The following SLC4A9 variants were observed in gnomAD, a reference collection of about 807,000 sequenced individuals.
SLC4A9 encodes solute carrier family 4 member 9, also known as anion exchange protein 4.
SLC4A9 carries 102 observed loss-of-function variants against 103.2 expected under a neutral mutation model. That is an observed-to-expected ratio of 0.99 (90% CI 0.84 to 1.17). The LOEUF is 1.17. SLC4A9 is among the 50% of genes most tolerant of loss of function. The probability of loss-of-function intolerance (pLI) is 0.00; values close to 1 mark genes in which losing one functional copy is unlikely to be tolerated. For missense variants in SLC4A9, 1,091 were observed against 1,193.7 expected (o/e 0.91, Z 1.27); for synonymous variants, 453 against 483.6 (o/e 0.94, Z 0.83).
Position 140,371,047 on chromosome 5 carries a change from G to A in SLC4A9, c.2428-48G>A, listed in dbSNP as rs761132836. On this transcript the variant is annotated intron_variant, in intron 17 of 21. Coordinates refer to ENST00000506757, the MANE Select transcript of SLC4A9 (RefSeq NM_031467.3). ...CATCTGGGCATCCTGGGGCATCTGG[G>A]AGGTTGGCAGAGGTAAACTTTGATA... 2.6e-5 allele frequency: 41 copies of A among 1,556,762 alleles called. No homozygotes were observed. In the East Asian group the frequency reaches 7.8e-4, roughly 30 times the overall value.
chr5:140,373,770 C>T (rs537627142), intron 21 of SLC4A9, among the ~76,000 whole-genome samples: 2 of 152,194 alleles, frequency 1.3e-5, no homozygotes, highest in East Asian at 3.9e-4. Context: ...GCCTGGGCAA[C>T]ATAGTGAGAT....
Position 140,363,380 on chromosome 5 carries a change from G to T in SLC4A9, c.963-59G>T. The stretch of plus-strand genomic sequence containing the variant: ...AGGGGGCAGGGCGCCACGAGCTCTG[G>T]ACCGAGTCGCAGACTGGTTGGAGAT... On this transcript the variant is annotated intron_variant, in intron 7 of 21. Coordinates refer to ENST00000506757, the MANE Select transcript of SLC4A9 (RefSeq NM_031467.3). This position sits in a 1 kb window ranked among gnomAD's most constrained non-coding sequence, Gnocchi z 4.5. 3 of 1,473,554 alleles carry T rather than the reference G, an allele frequency of 2.0e-6. No individual in the cohort carries two copies. Among genetic ancestry groups the T allele is most frequent in the Non-Finnish European group, 2.8e-6 (3 of 1,079,572 alleles). The allele number at this position is 1,473,554 out of a possible 1,614,324, so 91.3% of individuals were successfully genotyped here.
Position 140,361,804 on chromosome 5 carries a change from G to T in SLC4A9, c.506-4G>T, listed in dbSNP as rs755759006. 4.3e-6 allele frequency: 7 copies of T among 1,613,962 alleles called. 1 individual carries two copies. The Admixed American group carries it at 1.2e-4, about 27-fold the overall frequency. On this transcript the variant is annotated splice_region_variant and splice_polypyrimidine_tract_variant and intron_variant, in intron 3 of 21. Transcript: ENST00000506757. Reference sequence around the variant, plus strand: ...CTTAATCACTGCATAATCCTGTTTTGTAGGCTCTACTCATCCAAGAAAGGC... The same window carrying T: ...CTTAATCACTGCATAATCCTGTTTTTTAGGCTCTACTCATCCAAGAAAGGC...
At position 140,368,647 on chromosome 5, in the gene SLC4A9, A is replaced by G. The variant is rs1388090230; in HGVS notation, c.2415A>G (p.Ala805=). 6.2e-7 allele frequency: 1 copy of G among 1,613,400 alleles called. No individual in the cohort carries two copies. The highest frequency in any genetic ancestry group is 1.1e-5 in the South Asian group (1 of 90,982). Residue 805 remains alanine (A), a synonymous_variant, in exon 17 of 22, where the codon GCA becomes GCG. Coordinates refer to ENST00000506757, the MANE Select transcript of SLC4A9 (RefSeq NM_031467.3). ...FILTGASIFL[A]PVLKFIPMPV... ...TTACAGGAGCCTCCATCTTCCTGGC[A>G]CCTGTGCTCAAGGTACCTTTGTTAT... is the stretch of plus-strand genomic sequence containing the variant.
chr5:140,362,899 C>T lies in SLC4A9; in HGVS notation c.808-13C>T, dbSNP rs769090891. On this transcript the variant is annotated splice_polypyrimidine_tract_variant and intron_variant, in intron 6 of 21. Coordinates refer to ENST00000506757, the MANE Select transcript of SLC4A9 (RefSeq NM_031467.3). ...GTTTGCACTTACCACCCATTCTGTG[C>T]CCCCATTCCCAGCAATTCCAGTGGT... is the stretch of plus-strand genomic sequence containing the variant. 22 of 1,613,940 alleles carry T rather than the reference C, an allele frequency of 1.4e-5. No individual in the cohort carries two copies. In the South Asian group the frequency reaches 2.4e-4, roughly 18 times the overall value.
rs777533701 is a variant in SLC4A9 at position 140,363,925 on chromosome 5, G to C, written c.1254+23G>C. 1.2e-5 allele frequency: 20 copies of C among 1,610,392 alleles called. No homozygotes were observed. Among genetic ancestry groups the C allele is most frequent in the Non-Finnish European group, 1.4e-5 (17 of 1,178,284 alleles). On this transcript the variant is annotated intron_variant, in intron 9 of 21. Coordinates refer to ENST00000506757, the MANE Select transcript of SLC4A9 (RefSeq NM_031467.3). The surrounding 1 kb of genome is among the most constrained non-coding windows in gnomAD (Gnocchi z 4.5). ...CAGGTGGGTAGGGCCCAGGGGGCAG[G>C]CACAAGCGTTGGTGTCCCCTAGTCC... is the stretch of plus-strand genomic sequence containing the variant.
intron 6 of SLC4A9, 109 bp downstream of exon 6, chr5:140,362,641 G>GT: frequency 8.6e-7 from 1 of 1,159,346 alleles, no homozygotes; most frequent in East Asian, 2.4e-5. Context: ...TGTGGACTCT[G>GT]TATGTGTCCC....
intron 12 of SLC4A9, 28 bp downstream of exon 12, chr5:140,365,606 G>A (rs1364896654): frequency 2.5e-6 from 4 of 1,605,730 alleles, no homozygotes; most frequent in African/African-American, 1.3e-5. Context: ...GGAGGTTCTA[G>A]GAAGGAAAGG....
chr5:140,366,310 G>T (rs745897615), intron 14 of SLC4A9, 46 bp downstream of exon 14: 2 of 1,359,740 alleles, frequency 1.5e-6, no homozygotes, highest in Non-Finnish European at 2.0e-6. Context: ...GGAAAGCAGG[G>T]CCAGCAGACC....
rs749258313 is a variant in SLC4A9 at position 140,360,266 on chromosome 5, G to A, written c.30G>A (p.Gly10=). ...AAATGAAGCTGCCAGGCCAGGAAGG[G>A]TTTGAAGCCTCCAGTGCTCCTAGAA... MEMKLPGQE[G]FEASSAPRNI... Residue 10 remains glycine (G), a synonymous_variant, in exon 1 of 22, where the codon GGG becomes GGA. Transcript: ENST00000506757. 4 of 1,612,092 alleles carry A rather than the reference G, an allele frequency of 2.5e-6. No individual in the cohort carries two copies. Among genetic ancestry groups the A allele is most frequent in the Non-Finnish European group, 3.4e-6 (4 of 1,179,096 alleles).
chr5:140,371,616 C>A lies in SLC4A9; in HGVS notation c.2662C>A (p.Pro888Thr). The A allele has an allele frequency of 6.2e-7, 1 of 1,614,014 alleles. No homozygotes were observed. The highest frequency in any genetic ancestry group is 1.3e-5 in the African/African-American group (1 of 75,052). The change falls in exon 19 of 22, where the codon CCC (proline) becomes ACC (threonine). Residue 888 changes from proline to threonine, a missense_variant. By Grantham distance (38) the Pro-to-Thr change is conservative. Transcript: ENST00000506757. ...IKSTPAAIIF[P>T]LMLLGLVGVR... is the part of the protein sequence containing the mutation. ...GTCTACCCCTGCAGCCATCATCTTC[C>A]CCCTCATGGTAAGCTGAGGCAGGGT...
chr5:140,362,252 C>CA, intron 5 of SLC4A9, 78 bp downstream of exon 5: 1 of 1,411,730 alleles, frequency 7.1e-7, no homozygotes, highest in Non-Finnish European at 9.5e-7. Context: ...AGGAGGGTCT[C>CA]AGTCTGATTC....
intron 3 of SLC4A9, 83 bp from the exon 4 acceptor site, chr5:140,361,725 C>A: frequency 6.8e-7 from 1 of 1,468,258 alleles, no homozygotes; most frequent in Non-Finnish European, 9.5e-7. Flanking sequence ...TACAGCTTGT[C>A]AGTGGCAAAA....
rs771547109 is a variant in SLC4A9, at chr5:140,367,408, G to A, written c.2014-12G>A. 1.9e-6 allele frequency: 3 copies of A among 1,610,552 alleles called. No homozygotes were observed. The highest frequency in any genetic ancestry group is 3.4e-5 in the Admixed American group (2 of 59,656). On this transcript the variant is annotated splice_polypyrimidine_tract_variant and intron_variant, in intron 14 of 21. Coordinates refer to ENST00000506757, the MANE Select transcript of SLC4A9 (RefSeq NM_031467.3). ...ACCCACTCCAACCTGTCCATGAAAT[G>A]CCCTCCTCCAGCCCACACTCCCTGG... is the stretch of plus-strand genomic sequence containing the variant.
In SLC4A9 at chr5:140,371,641, T is replaced by C. The variant is rs377734062; in HGVS notation, c.2670+17T>C. On this transcript the variant is annotated intron_variant, in intron 19 of 21. Transcript: ENST00000506757. ...CCCCTCATGGTAAGCTGAGGCAGGG[T>C]TGGGCTGTGTCCTGGAGGGTCTTGG... 1.2e-6 allele frequency: 2 copies of C among 1,613,786 alleles called. No homozygotes were observed. Among genetic ancestry groups the C allele is most frequent in the Non-Finnish European group, 1.7e-6 (2 of 1,179,770 alleles).
At chr5:140,369,753 G>T (rs1310499842) in intron 17 of SLC4A9, among the ~76,000 whole-genome samples, 1 of 152,150 alleles carries the variant, frequency 6.6e-6, no homozygotes, top group Admixed American at 6.5e-5. Flanking sequence ...TGTAATCCCA[G>T]CACTTTGGGA....
In SLC4A9 at chr5:140,360,808, AC is replaced by A; in HGVS notation, c.231-3del. The A allele has an allele frequency of 1.2e-6, 2 of 1,613,358 alleles. No individual in the cohort carries two copies. The highest frequency in any genetic ancestry group is 2.7e-5 in the African/African-American group (2 of 75,000). ...ATAACACTGTCTACCCACCTTCATC[AC>A]AGGTGGGTACTGTTTGAGGAGAAGT... On this transcript the variant is annotated splice_polypyrimidine_tract_variant and splice_region_variant and intron_variant, in intron 1 of 21. Coordinates refer to ENST00000506757, the MANE Select transcript of SLC4A9 (RefSeq NM_031467.3).
At chr5:140,361,232 T>G (rs1368339583) in intron 2 of SLC4A9, 22 bp from the exon 3 acceptor site, 15 of 1,540,364 alleles carry the variant, frequency 9.7e-6, no homozygotes, top group Non-Finnish European at 1.2e-5. Flanking sequence ...AGGAAGGAGA[T>G]GACCCCCAAT....
chr5:140,362,372 C>A, intron 5 of SLC4A9, 73 bp from the exon 6 acceptor site: 1 of 1,444,766 alleles, frequency 6.9e-7, no homozygotes, highest in Non-Finnish European at 9.7e-7. Flanking sequence ...TAGGTCAGAG[C>A]TGAGCATCAG....
Sources: gnomAD v4.1 joint callset for allele counts (sites outside exome capture counted in the v4.1 genomes callset) on GRCh38, gnomAD v4.1.1 for gene constraint, Gnocchi (gnomAD v3.1) non-coding constraint, MANE v1.5 for transcripts, NCBI Gene and HGNC (gene_info 2026-07-23, HGNC 2026-07-21) for gene names.